The following ERICH1 variants were observed in gnomAD, a reference collection of about 807,000 sequenced individuals.
ERICH1 encodes glutamate rich 1, also known as glutamate-rich protein 1.
ERICH1 carries 56 observed loss-of-function variants against 39.6 expected under a neutral mutation model. The observed-to-expected ratio is 1.41, with a 90% CI of 1.14 to 1.77. ERICH1 has a LOEUF of 1.77. ERICH1 is among the 40% of genes most tolerant of loss of function. The pLI is 0.00. For missense variants in ERICH1, 826 were observed against 575.4 expected, an observed-to-expected ratio of 1.44 and a Z score of -4.45; for synonymous variants, 313 against 223.6, an observed-to-expected ratio of 1.40 and a Z score of -3.57.
chr8:703,837 T>C (rs1812695415), intron 2 of ERICH1, among the ~76,000 whole-genome samples: 1 of 152,180 alleles, frequency 6.6e-6, no homozygotes, highest in African/African-American at 2.4e-5. Context: ...AGGAATTCTG[T>C]AAACCGAAGA....
At position 731,174 on chromosome 8, in the gene ERICH1, C is replaced by A. The variant is rs753596065; in HGVS notation, c.-13G>T. The A allele has an allele frequency of 2.7e-6, 4 of 1,505,036 alleles. No homozygotes were observed. The highest frequency in any genetic ancestry group is 2.1e-5 in the Admixed American group (1 of 48,074). 93.2% of individuals were successfully genotyped at this position (1,505,036 alleles called of 1,614,324 possible). ...TGTGCGCCGCCATGCGGGACCCTGC[C>A]GCGGACCTCAGACCACGGCGCGCGG... is the stretch of plus-strand genomic sequence containing the variant. On this transcript the variant is annotated 5_prime_UTR_variant, in exon 1 of 6. Transcript: ENST00000262109.
At chr8:728,238 C>T (rs1028322557) in intron 1 of ERICH1, among the ~76,000 whole-genome samples, 25 of 152,220 alleles carry the variant, frequency 1.6e-4, no homozygotes, top group Non-Finnish European at 3.1e-4. Flanking sequence ...AAGACTCCGC[C>T]CAGGCAGCAG....
At chr8:717,052 G>C (rs1484498117) in intron 1 of ERICH1, among the ~76,000 whole-genome samples, 4 of 152,284 alleles carry the variant, frequency 2.6e-5, no homozygotes, top group Non-Finnish European at 5.9e-5. Flanking sequence ...TGAAAACCCT[G>C]AGCACAGAGC....
chr8:683,220 T>C (rs1585268746), intron 3 of ERICH1, among the ~76,000 whole-genome samples: 1 of 152,186 alleles, frequency 6.6e-6, no homozygotes. Flanking sequence ...GCGTGGACCA[T>C]GGCAGTTGCT....
intron 2 of ERICH1, among the ~76,000 whole-genome samples, chr8:696,966 T>C (rs1409555736): frequency 2.0e-5 from 3 of 151,838 alleles, no homozygotes; most frequent in Non-Finnish European, 2.9e-5. Context: ...CCCATCAGCC[T>C]GCACCTGTGC....
chr8:689,004 T>C (rs1808309312), intron 3 of ERICH1, among the ~76,000 whole-genome samples: 1 of 152,370 alleles, frequency 6.6e-6, no homozygotes, highest in Non-Finnish European at 1.5e-5. Flanking sequence ...ACTCTCCAGG[T>C]CTTTTGATTA....
chr8:664,788 CTA>C lies in ERICH1; in HGVS notation c.1259-114_1259-113del, dbSNP rs1344662208. The C allele has an allele frequency of 3.5e-5, 27 of 771,712 alleles. No homozygotes were observed. The Admixed American group carries it at 6.5e-4, about 19-fold the overall frequency. The allele number at this position is 771,712 out of a possible 1,614,324, so 47.8% of individuals were successfully genotyped here. A position where few individuals can be genotyped will look rare whatever the true frequency, so the allele number is the denominator to read the frequency against. ...GGCCCAAAGTGAACTCCCAAATAAT[CTA>C]ATAAAATGCAACTTTGGCATGAAAC... On this transcript the variant is annotated intron_variant, in intron 5 of 5. Coordinates refer to ENST00000262109, the MANE Select transcript of ERICH1 (RefSeq NM_207332.3).
At chr8:626,701 C>A (rs1396883661) in intron 3 of ERICH1, 1 of 172,714 alleles carries the variant, frequency 5.8e-6, no homozygotes. Context: ...AGAGGGTGTT[C>A]CAGCTGGCGT....
chr8:639,154 C>T (rs569753333), intron 3 of ERICH1, among the ~76,000 whole-genome samples: 9 of 152,228 alleles, frequency 5.9e-5, no homozygotes, highest in African/African-American at 2.2e-4. Context: ...ATGCCCAAAG[C>T]CCGGGTCTTG....
chr8:643,245 C>T (rs9987240), intron 3 of ERICH1, among the ~76,000 whole-genome samples: 32,772 of 152,198 alleles, frequency 0.22, 3,744 homozygotes, highest in Middle Eastern at 0.33. Context: ...AGACGATGAC[C>T]TAGTAATGGG....
At chr8:616,452 G>T (rs962923430) in intron 3 of ERICH1, 1 of 449,960 alleles carries the variant, frequency 2.2e-6, no homozygotes, top group Admixed American at 2.4e-5. Flanking sequence ...CTGGCTAAGC[G>T]GATTCAGCGC....
chr8:622,628 A>G (rs336426), intron 3 of ERICH1, among the ~76,000 whole-genome samples: 21,991 of 152,050 alleles, frequency 0.14, 1,947 homozygotes, highest in East Asian at 0.28. Context: ...TGAAAACCCA[A>G]GCCAGACAGC....
chr8:631,773 C>T (rs1215060325), intron 3 of ERICH1, among the ~76,000 whole-genome samples: 1 of 152,160 alleles, frequency 6.6e-6, no homozygotes, highest in East Asian at 1.9e-4. Flanking sequence ...TTCCCGAGAA[C>T]TGCCATGTTT....
intron 1 of ERICH1, among the ~76,000 whole-genome samples, chr8:721,362 G>C (rs1817265280): frequency 6.6e-6 from 1 of 152,210 alleles, no homozygotes; most frequent in South Asian, 2.1e-4. Context: ...ATTGCTGGCA[G>C]ATTCACAGAC....
chr8:689,473 C>T (rs1808411351), intron 3 of ERICH1, among the ~76,000 whole-genome samples: 1 of 152,170 alleles, frequency 6.6e-6, no homozygotes, highest in Non-Finnish European at 1.5e-5. Context: ...CTGATCAATT[C>T]CTGTGTTCCC....
intron 3 of ERICH1, among the ~76,000 whole-genome samples, chr8:634,208 C>CA (rs765603454): frequency 8.5e-6 from 1 of 117,656 alleles, no homozygotes; most frequent in Non-Finnish European, 1.8e-5. Flanking sequence ...AACCCTGATT[C>CA]AAAAATGGCC....
Position 668,700 on chromosome 8 carries a change from C to T in ERICH1, c.1156G>A (p.Val386Met), listed in dbSNP as rs141539093. Reference sequence around the variant, plus strand: ...GTTTTCATGTGGTACAGGATGGACACGTCTGAGGGCAGCATGCTGTGTGAC... The same window carrying T: ...GTTTTCATGTGGTACAGGATGGACATGTCTGAGGGCAGCATGCTGTGTGAC... ...LASHSMLPSDVSILYHMKTLL... is the reference protein window; with the variant it reads ...LASHSMLPSDMSILYHMKTLL... The change falls in exon 5 of 6, where the codon GTG (valine) becomes ATG (methionine). Residue 386 changes from valine to methionine, a missense_variant. By Grantham distance (21) the Val-to-Met change is conservative. Coordinates refer to ENST00000262109, the MANE Select transcript of ERICH1 (RefSeq NM_207332.3). 1.7e-5 allele frequency: 28 copies of T among 1,613,948 alleles called. No individual in the cohort carries two copies. Among genetic ancestry groups the T allele is most frequent in the South Asian group, 3.3e-5 (3 of 91,088 alleles).
chr8:719,708 G>A (rs55910407), intron 1 of ERICH1, among the ~76,000 whole-genome samples: 27,174 of 152,192 alleles, frequency 0.18, 3,047 homozygotes, highest in Non-Finnish European at 0.25. Context: ...TGTTTATCAC[G>A]TGGAATTTTG....
chr8:716,118 A>C, intron 1 of ERICH1, 111 bp from the exon 2 acceptor site: 1 of 1,333,282 alleles, frequency 7.5e-7, no homozygotes, highest in Non-Finnish European at 9.9e-7. Flanking sequence ...TGAAAGCACC[A>C]ACGGAGACCC....
Sources: gnomAD v4.1 joint callset for allele counts (sites outside exome capture counted in the v4.1 genomes callset) on GRCh38, gnomAD v4.1.1 for gene constraint, MANE v1.5 for transcripts, NCBI Gene and HGNC (gene_info 2026-07-23, HGNC 2026-07-21) for gene names.